The following SLC47A1 variants were observed in gnomAD, a reference collection of about 807,000 sequenced individuals.
SLC47A1 encodes the protein solute carrier family 47 member 1.
In SLC47A1, 58 loss-of-function variants were observed where a neutral mutation model predicts 65.8. That is an observed-to-expected ratio of 0.88 (90% CI 0.71 to 1.10). SLC47A1 has a LOEUF of 1.10. Ranked by LOEUF, SLC47A1 falls within the 50% of genes least tolerant of loss-of-function variation. The probability of loss-of-function intolerance (pLI) is 0.00; values close to 1 mark genes in which losing one functional copy is unlikely to be tolerated. For missense variants in SLC47A1, 706 were observed against 719.2 expected, an observed-to-expected ratio of 0.98 and a Z score of 0.21; for synonymous variants, 285 against 295.0, an observed-to-expected ratio of 0.97 and a Z score of 0.35.
chr17:19,573,986 G>A (rs1233115216), intron 16 of SLC47A1, among the ~76,000 whole-genome samples: 2 of 148,722 alleles, frequency 1.3e-5, no homozygotes, highest in Non-Finnish European at 3.0e-5. Flanking sequence ...GCAATGGTGC[G>A]ATCTCAGCTC....
At chr17:19,567,297 G>C (rs188122035) in intron 14 of SLC47A1, 69 bp downstream of exon 14, 4 of 1,603,522 alleles carry the variant, frequency 2.5e-6, no homozygotes, top group Non-Finnish European at 3.4e-6. Context: ...CGGAGCACAC[G>C]GGTCTTTGAC....
intron 16 of SLC47A1, among the ~76,000 whole-genome samples, chr17:19,577,108 T>A (rs1376262872): frequency 2.6e-5 from 4 of 152,088 alleles, no homozygotes; most frequent in African/African-American, 7.2e-5. Flanking sequence ...GAGTGCTCCC[T>A]GGAGCACCCA....
chr17:19,559,660 T>G (rs1461040002), intron 10 of SLC47A1, among the ~76,000 whole-genome samples: 4 of 152,114 alleles, frequency 2.6e-5, no homozygotes, highest in African/African-American at 9.7e-5. Context: ...GCCTGCTGAG[T>G]AGCTGGGATT....
In SLC47A1 at chr17:19,555,211, G is replaced by C; in HGVS notation, c.544-1G>C. 6.2e-7 allele frequency: 1 copy of C among 1,614,120 alleles called. No individual in the cohort carries two copies. The highest frequency in any genetic ancestry group is 1.7e-4 in the Middle Eastern group (1 of 6,060). Reference sequence around the variant, plus strand: ...GATGGCATGCGGTGTCCTTTTTCCAGGGAATTGTACTGCCCCAGATCGTAA... The same window carrying C: ...GATGGCATGCGGTGTCCTTTTTCCACGGAATTGTACTGCCCCAGATCGTAA... On this transcript the variant is annotated splice_acceptor_variant, in intron 6 of 16. Transcript: ENST00000270570. LOFTEE classifies it high-confidence loss of function.
intron 1 of SLC47A1, chr17:19,535,260 C>CT (rs1379209208): frequency 6.6e-6 from 1 of 152,026 alleles, no homozygotes. Flanking sequence ...TATGGTGAAA[C>CT]TCCGTCTCTA....
chr17:19,549,516 T>C, intron 4 of SLC47A1, 119 bp from the exon 5 acceptor site: 1 of 1,088,564 alleles, frequency 9.2e-7, no homozygotes, highest in Middle Eastern at 2.0e-4. Context: ...TTAAGCCCAT[T>C]AATCTGGAAA....
intron 6 of SLC47A1, 134 bp downstream of exon 6, chr17:19,551,602 T>A: frequency 1.3e-6 from 1 of 760,050 alleles, no homozygotes; most frequent in Non-Finnish European, 2.3e-6. Flanking sequence ...CACTGAAAGA[T>A]ATTTTTTCAG....
intron 12 of SLC47A1, among the ~76,000 whole-genome samples, chr17:19,562,816 A>G (rs2084323847): frequency 6.6e-6 from 1 of 152,126 alleles, no homozygotes; most frequent in African/African-American, 2.4e-5. Flanking sequence ...AAACATCAGA[A>G]ACTCAACAAT....
At position 19,546,506 on chromosome 17, in the gene SLC47A1, A is replaced by G; in HGVS notation, c.306+3A>G. On this transcript the variant is annotated splice_donor_region_variant and intron_variant, in intron 3 of 16. Coordinates refer to ENST00000270570, the MANE Select transcript of SLC47A1 (RefSeq NM_018242.3). ...CCTGTGACACCCTCATCTCCCAGGT[A>G]AATGGAAGTGGTCACACGCTCACAG... The G allele has an allele frequency of 1.2e-6, 2 of 1,613,462 alleles. No individual in the cohort carries two copies. The highest frequency in any genetic ancestry group is 1.7e-6 in the Non-Finnish European group (2 of 1,179,744).
At chr17:19,545,343 C>T (rs962524306) in intron 2 of SLC47A1, among the ~76,000 whole-genome samples, 6 of 151,872 alleles carry the variant, frequency 4.0e-5, no homozygotes, top group Non-Finnish European at 7.4e-5. Context: ...TACAGGCGCC[C>T]GCCACTATGC....
intron 2 of SLC47A1, 32 bp downstream of exon 2, chr17:19,542,526 C>T: frequency 6.5e-7 from 1 of 1,546,686 alleles, no homozygotes; most frequent in Non-Finnish European, 8.8e-7. Flanking sequence ...GGTTTACCAA[C>T]ACTGTCTGTG....
At chr17:19,549,597 A>G (rs1197602962) in intron 4 of SLC47A1, 38 bp from the exon 5 acceptor site, 6 of 1,604,236 alleles carry the variant, frequency 3.7e-6, no homozygotes, top group Non-Finnish European at 5.1e-6. Flanking sequence ...AGAGGCCTCC[A>G]TCACAGTTTT....
chr17:19,560,930 C>A (rs114555277), intron 12 of SLC47A1, among the ~76,000 whole-genome samples: 1 of 151,012 alleles, frequency 6.6e-6, no homozygotes. Flanking sequence ...GAGCAAGATG[C>A]CAGCAGAAAA....
intron 14 of SLC47A1, among the ~76,000 whole-genome samples, chr17:19,569,137 T>TG (rs2084380835): frequency 2.0e-5 from 3 of 151,896 alleles, no homozygotes; most frequent in Non-Finnish European, 2.9e-5. Flanking sequence ...TTTGGGAGGC[T>TG]GAGGTGGGTG....
At position 19,577,306 on chromosome 17, in the gene SLC47A1, TA is replaced by T. The variant is rs1391724701; in HGVS notation, c.1487-19del. ...AAAAAAAAAATCCCTTTTAAGCTGC[TA>T]AGTTCCTTTTTCCTCCCAGGGTGCC... On this transcript the variant is annotated intron_variant, in intron 16 of 16. Coordinates refer to ENST00000270570, the MANE Select transcript of SLC47A1 (RefSeq NM_018242.3). The T allele has an allele frequency of 2.5e-6, 4 of 1,612,132 alleles. No homozygotes were observed. The African/African-American group carries it at 5.4e-5, about 22-fold the overall frequency.
chr17:19,571,283 T>C (rs1260418479), intron 14 of SLC47A1, among the ~76,000 whole-genome samples, 195 bp from the exon 15 acceptor site: 5 of 152,174 alleles, frequency 3.3e-5, no homozygotes, highest in African/African-American at 1.2e-4. Flanking sequence ...AGTACTGGGC[T>C]TTCCAGAACC....
rs1454422854 is a variant in SLC47A1 at position 19,555,606 on chromosome 17, G to A, written c.655G>A (p.Ala219Thr). 1.2e-6 allele frequency: 2 copies of A among 1,614,108 alleles called. No homozygotes were observed. Among genetic ancestry groups the A allele is most frequent in the Non-Finnish European group, 8.5e-7 (1 of 1,180,012 alleles). ...TGTTCTTTCCAGAGGCTCTGCACTG[G>A]CAAACTTGATTTCCCAGTACACCCT... ...LHLGVIGSAL[A>T]NLISQYTLAL... Residue 219 changes from alanine (A) to threonine (T), a missense_variant, in exon 8 of 17, where the codon GCA becomes ACA. Coordinates refer to ENST00000270570, the MANE Select transcript of SLC47A1 (RefSeq NM_018242.3).
chr17:19,560,493 G>A lies in SLC47A1; in HGVS notation c.1106G>A (p.Arg369Gln), dbSNP rs375774632. The change falls in exon 12 of 17, where the codon CGA becomes CAA. Residue 369 changes from arginine to glutamine, a missense_variant and splice_region_variant. Physicochemically the swap from Arg to Gln is conservative, Grantham distance 43. Coordinates refer to ENST00000270570, the MANE Select transcript of SLC47A1 (RefSeq NM_018242.3). ...GTGGGGTACATTTTTACTACCGACC[G>A]GTGAGTGCTAGGATTTTCTTGAAAT... is the stretch of plus-strand genomic sequence containing the variant. ...DHVGYIFTTD[R>Q]DIINLVAQVV... 2.2e-5 allele frequency: 35 copies of A among 1,613,820 alleles called. 1 individual carries two copies. Among genetic ancestry groups the A allele is most frequent in the Non-Finnish European group, 2.6e-5 (31 of 1,179,864 alleles).
At chr17:19,559,734 T>A (rs1050419150) in intron 10 of SLC47A1, among the ~76,000 whole-genome samples, 1 of 152,036 alleles carries the variant, frequency 6.6e-6, no homozygotes, top group Non-Finnish European at 1.5e-5. Context: ...GGTTTCACCA[T>A]GTTGGCCAGG....
Sources: gnomAD v4.1 joint callset for allele counts (sites outside exome capture counted in the v4.1 genomes callset) on GRCh38, gnomAD v4.1.1 for gene constraint, MANE v1.5 for transcripts, NCBI Gene and HGNC (gene_info 2026-07-23, HGNC 2026-07-21) for gene names.